Variants in ASIC5 observed in about 807,000 individuals in gnomAD.
ASIC5 encodes the protein bile acid-sensitive ion channel.
A neutral mutation model predicts 51.2 loss-of-function variants in ASIC5; 52 were observed. That is an observed-to-expected ratio of 1.02 (90% confidence interval 0.81 to 1.28). ASIC5 has a LOEUF of 1.28. Among genes scored for constraint, ASIC5 ranks in the 50% most tolerant of loss-of-function variants. The pLI, the probability that ASIC5 is intolerant of heterozygous loss-of-function variation, is 0.00. For missense variants in ASIC5, 635 were observed against 595.0 expected (o/e 1.07, Z -0.70); for synonymous variants, 231 against 200.7 (o/e 1.15, Z -1.28).
chr4:155,847,729 A>T (rs111384130), intron 4 of ASIC5, among the ~76,000 whole-genome samples: 1,574 of 152,126 alleles, frequency 0.01, 30 homozygotes, highest in African/African-American at 0.036. Flanking sequence ...CTCAGTAAAA[A>T]AAATAAATAA....
chr4:155,848,159 C>CT (rs201647216), intron 4 of ASIC5, among the ~76,000 whole-genome samples: 4 of 151,346 alleles, frequency 2.6e-5, no homozygotes, highest in Non-Finnish European at 5.9e-5. Flanking sequence ...AAGTTTTTTT[C>CT]TTTTTTTAAA....
Position 155,829,812 on chromosome 4 carries a change from C to A in ASIC5, c.*44G>T. On this transcript the variant is annotated 3_prime_UTR_variant, in exon 10 of 10. Coordinates refer to ENST00000537611, the MANE Select transcript of ASIC5 (RefSeq NM_017419.3). Reference sequence around the variant, plus strand: ...TAACAATGAATTAGTCAAGATAAATCTGAAGGTATCATGAAAAGGAAACTA... The same window carrying A: ...TAACAATGAATTAGTCAAGATAAATATGAAGGTATCATGAAAAGGAAACTA... 8.0e-7 allele frequency: 1 copy of A among 1,248,950 alleles called. No homozygotes were observed. The highest frequency in any genetic ancestry group is 1.7e-5 in the South Asian group (1 of 58,482). 77.4% of individuals were successfully genotyped at this position (1,248,950 alleles called of 1,614,324 possible).
At chr4:155,844,793 T>A (rs1741202030) in intron 4 of ASIC5, among the ~76,000 whole-genome samples, 1 of 152,090 alleles carries the variant, frequency 6.6e-6, no homozygotes, top group African/African-American at 2.4e-5. Flanking sequence ...GAATGCTCCC[T>A]AAAATGTGCA....
At chr4:155,862,647 A>T (rs748708275) in intron 2 of ASIC5, among the ~76,000 whole-genome samples, 4 of 152,138 alleles carry the variant, frequency 2.6e-5, no homozygotes, top group Non-Finnish European at 5.9e-5. Context: ...AATGAGTTGC[A>T]GTCAAGGACT....
At chr4:155,860,204 C>T (rs1161542534) in intron 2 of ASIC5, among the ~76,000 whole-genome samples, 2 of 151,542 alleles carry the variant, frequency 1.3e-5, no homozygotes, top group African/African-American at 4.8e-5. Context: ...ATGTTTATTC[C>T]TATTACAGTA....
intron 8 of ASIC5, among the ~76,000 whole-genome samples, chr4:155,836,348 A>G (rs963755203): frequency 2.0e-5 from 3 of 152,190 alleles, no homozygotes; most frequent in African/African-American, 7.2e-5. Context: ...TTATTAGAAG[A>G]CTCAAAGTGT....
At position 155,863,695 on chromosome 4, in the gene ASIC5, G is replaced by C; in HGVS notation, c.100C>G (p.Arg34Gly). The change falls in exon 2 of 10, where the codon CGA (arginine) becomes GGA (glycine). Residue 34 changes from arginine (R) to glycine (G), a missense_variant. Transcript: ENST00000537611. The stretch of plus-strand genomic sequence containing the variant: ...GCAAAGTCATGGTCAAACTTCTTTC[G>C]CTCAGTGGGAGATGGCAGTGGTTTC... ...SKKPLPSPTE[R>G]KKFDHDFAIS... 6.2e-7 allele frequency: 1 copy of C among 1,613,868 alleles called. No homozygotes were observed. The highest frequency in any genetic ancestry group is 8.5e-7 in the Non-Finnish European group (1 of 1,179,868).
At chr4:155,831,936 T>A (rs774621138) in intron 8 of ASIC5, 21 bp from the exon 9 acceptor site, 41 of 1,250,356 alleles carry the variant, frequency 3.3e-5, no homozygotes, top group African/African-American at 3.0e-5. Context: ...AAAAGAGAGT[T>A]AATATAGCTT....
Position 155,863,682 on chromosome 4 carries a change from T to C in ASIC5, c.113A>G (p.Asp38Gly), listed in dbSNP as rs1236396255. The C allele has an allele frequency of 2.5e-6, 4 of 1,613,844 alleles. No homozygotes were observed. The African/African-American group carries it at 5.3e-5, about 22-fold the overall frequency. ...LPSPTERKKF[D>G]HDFAISTSFH... ...GGAAGTGGAGATGGCAAAGTCATGG[T>C]CAAACTTCTTTCGCTCAGTGGGAGA... The change falls in exon 2 of 10, where the codon GAC becomes GGC. Residue 38 changes from aspartate to glycine, a missense_variant. Asp to Gly is a moderately conservative substitution (Grantham distance 94). Coordinates refer to ENST00000537611, the MANE Select transcript of ASIC5 (RefSeq NM_017419.3).
At chr4:155,838,036 TA>T (rs1169735856) in intron 7 of ASIC5, among the ~76,000 whole-genome samples, 1 of 152,064 alleles carries the variant, frequency 6.6e-6, no homozygotes, top group Non-Finnish European at 1.5e-5. Context: ...GTGATCTACA[TA>T]AAAAAAGATT....
rs556726419 is a variant in ASIC5 at position 155,832,009 on chromosome 4, T to C, written c.1236-94A>G. 6.9e-5 allele frequency: 44 copies of C among 634,242 alleles called. No individual in the cohort carries two copies. In the African/African-American group the frequency reaches 8.3e-4, roughly 12 times the overall value. 39.3% of individuals were successfully genotyped at this position (634,242 alleles called of 1,614,324 possible). On this transcript the variant is annotated intron_variant, in intron 8 of 9. Coordinates refer to ENST00000537611, the MANE Select transcript of ASIC5 (RefSeq NM_017419.3). ...AGGTAATATTCATTTTTGTTTTATA[T>C]GCTATTTAATGTTAAACTGACACAG...
intron 6 of ASIC5, among the ~76,000 whole-genome samples, chr4:155,839,880 A>G (rs1741078234): frequency 6.6e-6 from 1 of 152,188 alleles, no homozygotes; most frequent in African/African-American, 2.4e-5. Flanking sequence ...ACAAACAAAC[A>G]AAAGAACAAT....
intron 3 of ASIC5, 99 bp from the exon 4 acceptor site, chr4:155,852,415 C>CA (rs1741403945): frequency 1.0e-6 from 1 of 965,550 alleles, no homozygotes; most frequent in Admixed American, 3.1e-5. Flanking sequence ...AAATACCTAA[C>CA]AAGACTGCAG....
intron 9 of ASIC5, 127 bp downstream of exon 9, chr4:155,831,697 C>A (rs1351848856): frequency 1.8e-6 from 1 of 544,478 alleles, no homozygotes; most frequent in Admixed American, 3.4e-5. Context: ...TGTGAACCCC[C>A]TGGGAAGCGG....
At chr4:155,853,400 A>G (rs937162763) in intron 3 of ASIC5, among the ~76,000 whole-genome samples, 7 of 151,938 alleles carry the variant, frequency 4.6e-5, no homozygotes, top group African/African-American at 1.7e-4. Context: ...GATACGGGAA[A>G]TACGGCATCA....
intron 4 of ASIC5, among the ~76,000 whole-genome samples, chr4:155,847,921 C>A (rs902057327): frequency 9.9e-5 from 15 of 152,056 alleles, no homozygotes; most frequent in African/African-American, 3.6e-4. Flanking sequence ...TGATGCAAGA[C>A]CAGCATATGG....
chr4:155,864,847 G>A (rs1446891557), intron 1 of ASIC5: 3 of 152,074 alleles, frequency 2.0e-5, no homozygotes, highest in South Asian at 4.1e-4. Flanking sequence ...ATTTTAAAAA[G>A]CTTTAAAAGT....
chr4:155,841,218 A>G (rs532757576), intron 6 of ASIC5, among the ~76,000 whole-genome samples: 2 of 152,318 alleles, frequency 1.3e-5, no homozygotes, highest in South Asian at 4.1e-4. Flanking sequence ...CCCGTTGGGC[A>G]GTTACAATAT....
chr4:155,848,226 T>TC (rs1386985599), intron 4 of ASIC5, among the ~76,000 whole-genome samples: 1 of 152,042 alleles, frequency 6.6e-6, no homozygotes, highest in African/African-American at 2.4e-5. Context: ...TAACCTGTAA[T>TC]CCTATTTCAT....
Sources: gnomAD v4.1 joint callset for allele counts (sites outside exome capture counted in the v4.1 genomes callset) on GRCh38, gnomAD v4.1.1 for gene constraint, MANE v1.5 for transcripts, NCBI Gene and HGNC (gene_info 2026-07-23, HGNC 2026-07-21) for gene names.